The following CENPP variants were observed in gnomAD, a reference collection of about 807,000 sequenced individuals.
CENPP encodes centromere protein P.
A neutral mutation model predicts 35.6 loss-of-function variants in CENPP; 24 were observed. The ratio of observed to expected loss-of-function variants is 0.67; its 90% CI spans 0.49 to 0.95. The LOEUF (loss-of-function observed/expected upper bound fraction) is 0.95, where lower values mean the gene tolerates loss of function less well. CENPP is among the 40% of genes least tolerant of loss of function. The pLI is 0.00. For synonymous variants in CENPP, 120 were observed against 125.5 expected (o/e 0.96, Z 0.29); for missense variants, 332 against 345.3 (o/e 0.96, Z 0.31).
At chr9:92,336,793 T>G (rs905215732) in intron 2 of CENPP, among the ~76,000 whole-genome samples, 3 of 152,204 alleles carry the variant, frequency 2.0e-5, no homozygotes, top group Non-Finnish European at 4.4e-5. Flanking sequence ...GCTGTATACT[T>G]AAGAATAGGG....
At chr9:92,486,582 T>G (rs1846062442) in intron 5 of CENPP, among the ~76,000 whole-genome samples, 1 of 152,196 alleles carries the variant, frequency 6.6e-6, no homozygotes, top group South Asian at 2.1e-4. Flanking sequence ...TGACCTCCTC[T>G]TACCCTCTCC....
intron 5 of CENPP, chr9:92,404,488 A>G: frequency 7.8e-7 from 1 of 1,274,860 alleles, no homozygotes; most frequent in Non-Finnish European, 1.0e-6. Flanking sequence ...TATGAAAAGT[A>G]AGCCTACCGT....
intron 5 of CENPP, among the ~76,000 whole-genome samples, chr9:92,445,773 A>G (rs1385820182): frequency 6.6e-6 from 1 of 152,052 alleles, no homozygotes; most frequent in Non-Finnish European, 1.5e-5. Context: ...AATCCCAGCT[A>G]CTTGAGAGGC....
At chr9:92,387,330 T>C (rs1395242774) in intron 5 of CENPP, among the ~76,000 whole-genome samples, 2 of 151,026 alleles carry the variant, frequency 1.3e-5, no homozygotes, top group Non-Finnish European at 3.0e-5. Context: ...GAGCCGAGAT[T>C]GTGCCACTGC....
chr9:92,519,989 T>A (rs1249727654), intron 5 of CENPP, among the ~76,000 whole-genome samples: 2 of 149,876 alleles, frequency 1.3e-5, no homozygotes, highest in African/African-American at 2.5e-5. Context: ...AATAAAAAAA[T>A]GGGCAAAACT....
At chr9:92,545,301 G>C (rs995924824) in intron 5 of CENPP, among the ~76,000 whole-genome samples, 1 of 152,194 alleles carries the variant, frequency 6.6e-6, no homozygotes, top group South Asian at 2.1e-4. Context: ...CCAGGGCTGC[G>C]TGTGGCACTT....
In CENPP at chr9:92,617,328, C is replaced by G. The variant is rs1389924774; in HGVS notation, c.*4179C>G. The G allele has an allele frequency of 6.6e-6, 1 of 152,244 alleles. No homozygotes were observed. Among genetic ancestry groups the G allele is most frequent in the Non-Finnish European group, 1.5e-5 (1 of 68,130 alleles). 9.4% of individuals were successfully genotyped at this position (152,244 alleles called of 1,614,324 possible). ...AGGGTTACGTATTTTAAAGGACACC[C>G]CAATTTCTCAGAAGCAGCACCTGAC... On this transcript the variant is annotated 3_prime_UTR_variant, in exon 8 of 8. Transcript: ENST00000375587.
chr9:92,348,092 T>C (rs1260087641), intron 4 of CENPP, among the ~76,000 whole-genome samples: 1 of 139,328 alleles, frequency 7.2e-6, no homozygotes, highest in Non-Finnish European at 1.5e-5. Context: ...GCCCAGCTAA[T>C]TTTCTTTCTT....
At chr9:92,470,029 G>A (rs1845452827) in intron 5 of CENPP, among the ~76,000 whole-genome samples, 1 of 152,132 alleles carries the variant, frequency 6.6e-6, no homozygotes. Context: ...GAGTCTTGTT[G>A]TGTTGCCCAG....
intron 5 of CENPP, chr9:92,522,772 T>G: frequency 6.2e-7 from 1 of 1,614,106 alleles, no homozygotes; most frequent in Non-Finnish European, 8.5e-7. Flanking sequence ...GTGGTAGATC[T>G]TCCTCCTTTG....
chr9:92,386,784 A>T (rs905935763), intron 5 of CENPP, among the ~76,000 whole-genome samples: 1 of 152,066 alleles, frequency 6.6e-6, no homozygotes. Flanking sequence ...AGGTTTCACC[A>T]TGTTGGCTGG....
chr9:92,359,961 C>T (rs1841701964), intron 4 of CENPP, among the ~76,000 whole-genome samples: 1 of 152,102 alleles, frequency 6.6e-6, no homozygotes, highest in Non-Finnish European at 1.5e-5. Context: ...AGCCCTTCTC[C>T]AAGCCTTTGC....
chr9:92,450,035 T>A (rs17519586), intron 5 of CENPP, among the ~76,000 whole-genome samples: 4,710 of 152,174 alleles, frequency 0.031, 115 homozygotes, highest in South Asian at 0.084. Context: ...CACAACAGAT[T>A]AAGGTCCATG....
At chr9:92,565,439 G>A (rs1212283877) in intron 5 of CENPP, among the ~76,000 whole-genome samples, 1 of 152,102 alleles carries the variant, frequency 6.6e-6, no homozygotes, top group Non-Finnish European at 1.5e-5. Context: ...AGGAAGACTA[G>A]GTCAGTAAAT....
At chr9:92,497,452 C>T (rs1354642504) in intron 5 of CENPP, among the ~76,000 whole-genome samples, 1 of 151,874 alleles carries the variant, frequency 6.6e-6, no homozygotes, top group East Asian at 1.9e-4. Flanking sequence ...TGGAGAAACC[C>T]CGTCTCTACT....
intron 5 of CENPP, among the ~76,000 whole-genome samples, chr9:92,563,211 C>G (rs563777316): frequency 1.4e-4 from 21 of 152,280 alleles, no homozygotes; most frequent in Admixed American, 1.2e-3. Context: ...GTAGCCTGCT[C>G]TTTTCCTCAA....
In CENPP at chr9:92,619,846, G is replaced by A. The variant is rs1851571439; in HGVS notation, c.*6697G>A. ...CCCGACTCCAGACCCTGAGACGGAT[G>A]ATCTGTCTTCAGCAAGGTCACCACA... On this transcript the variant is annotated 3_prime_UTR_variant, in exon 8 of 8. Coordinates refer to ENST00000375587, the MANE Select transcript of CENPP (RefSeq NM_001012267.3). 4.2e-6 allele frequency: 2 copies of A among 476,518 alleles called. No homozygotes were observed. The highest frequency in any genetic ancestry group is 7.7e-6 in the Non-Finnish European group (2 of 258,712). 29.5% of individuals were successfully genotyped at this position (476,518 alleles called of 1,614,324 possible).
intron 5 of CENPP, among the ~76,000 whole-genome samples, chr9:92,586,365 T>C (rs1186134457): frequency 2.6e-5 from 4 of 152,036 alleles, no homozygotes; most frequent in East Asian, 1.9e-4. Flanking sequence ...TTTAAAGTCA[T>C]GTACTACCCC....
chr9:92,580,089 T>C (rs1020616762), intron 5 of CENPP, among the ~76,000 whole-genome samples: 2 of 152,098 alleles, frequency 1.3e-5, no homozygotes, highest in African/African-American at 2.4e-5. Context: ...GTTCTGTTTA[T>C]ATGCTGGATT....
Sources: gnomAD v4.1 joint callset for allele counts (sites outside exome capture counted in the v4.1 genomes callset) on GRCh38, gnomAD v4.1.1 for gene constraint, MANE v1.5 for transcripts, NCBI Gene and HGNC (gene_info 2026-07-23, HGNC 2026-07-21) for gene names.